The following WWOX variants were observed in gnomAD, a reference collection of about 807,000 sequenced individuals.
WWOX encodes the protein WW domain containing oxidoreductase, also known as WW domain-containing oxidoreductase.
A neutral mutation model predicts 46.2 loss-of-function variants in WWOX; 69 were observed. The ratio of observed to expected loss-of-function variants is 1.49; its 90% CI spans 1.23 to 1.82. WWOX has a LOEUF of 1.82. Among genes scored for constraint, WWOX ranks in the 40% most tolerant of loss-of-function variants. The pLI is 0.00. For missense variants in WWOX, 919 were observed against 542.6 expected (o/e 1.69, Z -6.89); for synonymous variants, 359 against 202.6 (o/e 1.77, Z -6.56).
chr16:78,279,429 A>G (rs1324670460), intron 5 of WWOX, among the ~76,000 whole-genome samples: 1 of 152,222 alleles, frequency 6.6e-6, no homozygotes, highest in Non-Finnish European at 1.5e-5. Context: ...CCCAAAGTAT[A>G]TTATAAAAAA....
intron 8 of WWOX, among the ~76,000 whole-genome samples, chr16:78,603,685 C>G (rs2045678248): frequency 6.6e-6 from 1 of 152,074 alleles, no homozygotes; most frequent in Non-Finnish European, 1.5e-5. Context: ...CAGAGTGAGA[C>G]ACTCTCAAAA....
intron 5 of WWOX, among the ~76,000 whole-genome samples, chr16:78,386,486 A>G (rs375933802): frequency 6.6e-6 from 1 of 152,172 alleles, no homozygotes; most frequent in Non-Finnish European, 1.5e-5. Flanking sequence ...GATATTGTCC[A>G]TTGCATCTTT....
At chr16:78,345,639 CAAAAAAAA>C (rs1193432164) in intron 5 of WWOX, among the ~76,000 whole-genome samples, 316 of 25,030 alleles carry the variant, frequency 0.013, 24 homozygotes, top group East Asian at 0.11. Context: ...GACCCTGTCT[CAAAAAAAA>C]AAAAAAAAAA....
At chr16:78,883,056 C>T (rs35977799) in intron 8 of WWOX, among the ~76,000 whole-genome samples, 24,583 of 152,062 alleles carry the variant, frequency 0.16, 2,974 homozygotes, top group African/African-American at 0.34. Flanking sequence ...AGCACCTTAG[C>T]GGTTCGCCTT....
chr16:78,179,395 A>G lies in WWOX; in HGVS notation c.516+15106A>G, dbSNP rs74027909. Among the ~76,000 whole-genome samples, 568 of 152,326 alleles carry G rather than the reference A, an allele frequency of 3.7e-3. 3 individuals carry two copies. The highest frequency in any genetic ancestry group is 0.013 in the African/African-American group (540 of 41,572). ...TTCTCAGATTGGAAAGGACTTTCTG[A>G]GATCATCCAACTTAACTTTCCCCAC... On this transcript the variant is annotated intron_variant, in intron 5 of 8. Coordinates refer to ENST00000566780, the MANE Select transcript of WWOX (RefSeq NM_016373.4).
At chr16:78,385,378 A>T (rs922155752) in intron 5 of WWOX, among the ~76,000 whole-genome samples, 4 of 152,170 alleles carry the variant, frequency 2.6e-5, no homozygotes, top group African/African-American at 4.8e-5. Context: ...TAGTTAAATT[A>T]ATTAGATAAT....
At chr16:79,021,730 A>T (rs1211313336) in intron 8 of WWOX, among the ~76,000 whole-genome samples, 4 of 152,220 alleles carry the variant, frequency 2.6e-5, no homozygotes, top group Non-Finnish European at 5.9e-5. Context: ...ATGTTAGTGA[A>T]AAATAAAGAT....
chr16:78,633,686 T>C (rs1159890040), intron 8 of WWOX, among the ~76,000 whole-genome samples: 3 of 152,154 alleles, frequency 2.0e-5, no homozygotes, highest in Non-Finnish European at 2.9e-5. Flanking sequence ...TCCTGCGTGC[T>C]TTTATGCTTC....
At chr16:78,952,880 G>A (rs950546326) in intron 8 of WWOX, among the ~76,000 whole-genome samples, 1 of 152,192 alleles carries the variant, frequency 6.6e-6, no homozygotes, top group Non-Finnish European at 1.5e-5. Context: ...CAGGCTTGTG[G>A]AATAATTCTA....
At chr16:79,144,606 A>T (rs1467832171) in intron 8 of WWOX, among the ~76,000 whole-genome samples, 1 of 152,192 alleles carries the variant, frequency 6.6e-6, no homozygotes, top group Non-Finnish European at 1.5e-5. Context: ...TCGAGTGGAA[A>T]AAGGAATATT....
chr16:78,408,668 C>A (rs989272257), intron 6 of WWOX, among the ~76,000 whole-genome samples: 11 of 152,152 alleles, frequency 7.2e-5, no homozygotes, highest in Non-Finnish European at 5.9e-5. Context: ...TCGTCTTGAC[C>A]TTGTAAAAGG....
At chr16:78,651,441 G>A (rs912521343) in intron 8 of WWOX, among the ~76,000 whole-genome samples, 2 of 152,188 alleles carry the variant, frequency 1.3e-5, no homozygotes, top group Non-Finnish European at 2.9e-5. Context: ...GTCCCCTGGA[G>A]GTCAGAAGCC....
At position 78,603,941 on chromosome 16, in the gene WWOX, A is replaced by G. The variant is rs186802861; in HGVS notation, c.1056+171189A>G. Among the ~76,000 whole-genome samples, 35 of 152,184 alleles carry G rather than the reference A, an allele frequency of 2.3e-4. No individual in the cohort carries two copies. The East Asian group carries it at 3.9e-3, about 17-fold the overall frequency. On this transcript the variant is annotated intron_variant, in intron 8 of 8. Coordinates refer to ENST00000566780, the MANE Select transcript of WWOX (RefSeq NM_016373.4). ...AGGATTGCTTGAGCCTAGGAGTTCA[A>G]GATCAGCCTGGGTAACATAGGGAAA... is the stretch of plus-strand genomic sequence containing the variant.
intron 8 of WWOX, among the ~76,000 whole-genome samples, chr16:79,002,376 A>G (rs903319573): frequency 2.0e-5 from 3 of 151,814 alleles, no homozygotes; most frequent in African/African-American, 7.3e-5. Flanking sequence ...GGTGCACACC[A>G]CCATGCCCGG....
At chr16:78,268,209 T>C (rs1342484691) in intron 5 of WWOX, among the ~76,000 whole-genome samples, 1 of 152,192 alleles carries the variant, frequency 6.6e-6, no homozygotes, top group African/African-American at 2.4e-5. Flanking sequence ...GAAAAGTGGC[T>C]ACAAATAAAA....
intron 8 of WWOX, among the ~76,000 whole-genome samples, chr16:78,659,431 A>G (rs1191152701): frequency 1.3e-5 from 2 of 152,112 alleles, no homozygotes; most frequent in African/African-American, 2.4e-5. Context: ...ACCCCGCCAG[A>G]CTTCCTGAAC....
intron 5 of WWOX, among the ~76,000 whole-genome samples, chr16:78,257,376 C>CA (rs2038160510): frequency 6.6e-6 from 1 of 152,114 alleles, no homozygotes; most frequent in South Asian, 2.1e-4. Flanking sequence ...TGGCAGCAAA[C>CA]AGTATTGATG....
intron 8 of WWOX, among the ~76,000 whole-genome samples, chr16:78,547,647 T>A (rs1309377951): frequency 6.6e-6 from 1 of 152,132 alleles, no homozygotes; most frequent in Non-Finnish European, 1.5e-5. Flanking sequence ...AAGTCCAAGA[T>A]CAAGCTGCTG....
At chr16:78,921,232 A>T (rs1233830695) in intron 8 of WWOX, among the ~76,000 whole-genome samples, 1 of 152,206 alleles carries the variant, frequency 6.6e-6, no homozygotes, top group Non-Finnish European at 1.5e-5. Context: ...AAAAGACATT[A>T]GCCTCGAAAC....
Sources: allele counts gnomAD v4.1 joint callset (sites outside exome capture counted in the v4.1 genomes callset), GRCh38; gene constraint gnomAD v4.1.1; transcripts MANE v1.5; gene names NCBI Gene and HGNC (gene_info 2026-07-23, HGNC 2026-07-21).